The following STAT5B variants were observed in gnomAD, a reference collection of about 807,000 sequenced individuals.
The protein encoded by STAT5B is transcription factor STAT5B.
A neutral mutation model predicts 107.8 loss-of-function variants in STAT5B; 21 were observed. The ratio of observed to expected loss-of-function variants is 0.19; its 90% CI spans 0.14 to 0.28. The LOEUF (loss-of-function observed/expected upper bound fraction) is 0.28, where lower values mean the gene tolerates loss of function less well. STAT5B is among the 10% of genes least tolerant of loss of function. STAT5B has a pLI of 1.00. For missense variants in STAT5B, 565 were observed against 1,008.2 expected (o/e 0.56, Z 5.95); for synonymous variants, 325 against 401.7 (o/e 0.81, Z 2.28).
intron 17 of STAT5B, 145 bp from the exon 18 acceptor site, chr17:42,202,592 T>TG: frequency 7.0e-7 from 1 of 1,431,654 alleles, no homozygotes; most frequent in Non-Finnish European, 9.8e-7. Flanking sequence ...GCTACAGGAG[T>TG]GGGGCCTCAG....
chr17:42,243,430 A>G (rs2080422458), intron 1 of STAT5B, among the ~76,000 whole-genome samples: 1 of 152,192 alleles, frequency 6.6e-6, no homozygotes, highest in Admixed American at 6.6e-5. Context: ...TATCACTGCT[A>G]AATTTCTTGA....
Position 42,201,461 on chromosome 17 carries a change from G to GC in STAT5B, c.*276dup, listed in dbSNP as rs2080042408. 5.0e-6 allele frequency: 3 copies of GC among 605,356 alleles called. No homozygotes were observed. The highest frequency in any genetic ancestry group is 8.9e-6 in the Non-Finnish European group (3 of 338,490). 37.5% of individuals were successfully genotyped at this position (605,356 alleles called of 1,614,324 possible). A position where few individuals can be genotyped will look rare whatever the true frequency, so the allele number is the denominator to read the frequency against. ...AAAACCACCACAGCTTCTGTCTGTG[G>GC]CCCCTCTGCTACAACTAAACTCTCA... On this transcript the variant is annotated 3_prime_UTR_variant, in exon 19 of 19. Transcript: ENST00000293328.
At chr17:42,228,681 T>TA (rs1208466358) in intron 2 of STAT5B, among the ~76,000 whole-genome samples, 1 of 152,092 alleles carries the variant, frequency 6.6e-6, no homozygotes. Context: ...CCTGTGATCC[T>TA]AGCATTTTGG....
At chr17:42,244,724 G>A (rs1398333543) in intron 1 of STAT5B, among the ~76,000 whole-genome samples, 1 of 151,974 alleles carries the variant, frequency 6.6e-6, no homozygotes, top group Non-Finnish European at 1.5e-5. Flanking sequence ...CTTGATTCAG[G>A]CCAATTCCCA....
At chr17:42,227,717 A>G (rs1185549324) in intron 2 of STAT5B, 32 bp from the exon 3 acceptor site, 13 of 1,610,928 alleles carry the variant, frequency 8.1e-6, no homozygotes, top group Middle Eastern at 1.7e-4. Context: ...ATCTGTATAC[A>G]TACATGCACG....
intron 13 of STAT5B, 68 bp downstream of exon 13, chr17:42,211,916 G>T: frequency 6.4e-7 from 1 of 1,554,704 alleles, no homozygotes; most frequent in South Asian, 1.2e-5. Context: ...GCCCAGGGCA[G>T]GGAGACTCCT....
At chr17:42,227,727 G>A (rs747877746) in intron 2 of STAT5B, 42 bp from the exon 3 acceptor site, 1 of 1,598,794 alleles carries the variant, frequency 6.3e-7, no homozygotes, top group African/African-American at 1.3e-5. Flanking sequence ...ATACATGCAC[G>A]TGAGCCTGTA....
intron 12 of STAT5B, chr17:42,214,406 G>A (rs934558637): frequency 2.0e-6 from 2 of 984,282 alleles, no homozygotes; most frequent in African/African-American, 1.8e-5. Context: ...TGTAAGTGAA[G>A]TATGGTAAAT....
chr17:42,213,811 G>C (rs1344292114), intron 12 of STAT5B, among the ~76,000 whole-genome samples: 3 of 150,128 alleles, frequency 2.0e-5, no homozygotes, highest in Admixed American at 6.6e-5. Context: ...TTACAGGTGT[G>C]AGCCACCGTG....
chr17:42,209,995 C>G (rs2144218227), intron 15 of STAT5B, among the ~76,000 whole-genome samples, 176 bp downstream of exon 15: 1 of 152,170 alleles, frequency 6.6e-6, no homozygotes, highest in African/African-American at 2.4e-5. Context: ...AATTGTGTTT[C>G]CCATAATAGT....
chr17:42,224,561 C>T (rs2080257374), intron 4 of STAT5B, among the ~76,000 whole-genome samples: 1 of 151,934 alleles, frequency 6.6e-6, no homozygotes, highest in East Asian at 1.9e-4. Flanking sequence ...AGGGTGCTCT[C>T]GAACTCCTGG....
intron 3 of STAT5B, among the ~76,000 whole-genome samples, chr17:42,227,008 G>A (rs1344940405): frequency 6.8e-6 from 1 of 146,228 alleles, no homozygotes; most frequent in East Asian, 2.0e-4. Flanking sequence ...GGTGGCAGGA[G>A]CCTGTAATCC....
intron 5 of STAT5B, among the ~76,000 whole-genome samples, chr17:42,220,334 G>A (rs1347659399): frequency 1.3e-5 from 2 of 152,216 alleles, no homozygotes; most frequent in African/African-American, 4.8e-5. Flanking sequence ...CATGGAAGAT[G>A]CCAGAAAGCT....
chr17:42,202,465 C>A lies in STAT5B; in HGVS notation c.2130-18G>T. ...TCACAAACCTGCAGAAGGAAGAGAA[C>A]AGAGCTTCAGCTGCCAGGGAGGCCA... is the stretch of plus-strand genomic sequence containing the variant. On this transcript the variant is annotated intron_variant, in intron 17 of 18. Coordinates refer to ENST00000293328, the MANE Select transcript of STAT5B (RefSeq NM_012448.4). 1 of 1,613,156 alleles carries A rather than the reference C, an allele frequency of 6.2e-7. No homozygotes were observed. The highest frequency in any genetic ancestry group is 8.5e-7 in the Non-Finnish European group (1 of 1,179,796).
chr17:42,223,992 C>T (rs1184635377), intron 4 of STAT5B, among the ~76,000 whole-genome samples: 1 of 152,164 alleles, frequency 6.6e-6, no homozygotes, highest in African/African-American at 2.4e-5. Flanking sequence ...GAACACACAT[C>T]ATCTGTGTCC....
the STAT5B span, among the ~76,000 whole-genome samples, chr17:42,286,791 C>T: frequency 1.3e-5 from 2 of 152,226 alleles, no homozygotes; most frequent in African/African-American, 4.8e-5. Context: ...CCAAGTGGGA[C>T]CCACCCAAAT....
At chr17:42,261,059 C>T (rs1298730373) in intron 1 of STAT5B, among the ~76,000 whole-genome samples, 1 of 151,900 alleles carries the variant, frequency 6.6e-6, no homozygotes, top group Admixed American at 6.6e-5. Context: ...CAGACATGTG[C>T]CACCACGCCC....
chr17:42,219,586 C>G, intron 6 of STAT5B, 123 bp from the exon 7 acceptor site: 1 of 1,231,332 alleles, frequency 8.1e-7, no homozygotes, highest in Non-Finnish European at 1.1e-6. Context: ...CCTCGCAAGG[C>G]CCCCAGGAAA....
chr17:42,219,662 G>A (rs2080206716), intron 6 of STAT5B, 50 bp downstream of exon 6: 2 of 1,568,916 alleles, frequency 1.3e-6, no homozygotes, highest in South Asian at 2.3e-5. Context: ...GGTCCCCAGA[G>A]ACTGACTTCA....
Sources: gnomAD v4.1 joint callset for allele counts (sites outside exome capture counted in the v4.1 genomes callset) on GRCh38, gnomAD v4.1.1 for gene constraint, MANE v1.5 for transcripts, NCBI Gene and HGNC (gene_info 2026-07-23, HGNC 2026-07-21) for gene names.